The following RAB38 variants were observed in gnomAD, a reference collection of about 807,000 sequenced individuals.
The protein encoded by RAB38 is RAB38, member RAS oncogene family.
In RAB38, 15 loss-of-function variants were observed where a neutral mutation model predicts 18.4. The observed-to-expected ratio is 0.82, with a 90% CI of 0.55 to 1.26. The LOEUF (loss-of-function observed/expected upper bound fraction) is 1.26. Among genes scored for constraint, RAB38 ranks in the 50% most tolerant of loss-of-function variants. The probability of loss-of-function intolerance (pLI) is 0.00; values close to 1 mark genes in which losing one functional copy is unlikely to be tolerated. For synonymous variants in RAB38, 101 were observed against 104.4 expected (o/e 0.97, Z 0.20); for missense variants, 294 against 267.4 (o/e 1.10, Z -0.69).
the RAB38 span, chr11:87,815,690 T>C: frequency 1.3e-5 from 2 of 152,146 alleles, no homozygotes; most frequent in African/African-American, 4.8e-5. Context: ...TCAGTTCCAA[T>C]ATATGGGATG....
At chr11:88,008,735 G>A in the RAB38 span, among the ~76,000 whole-genome samples, 1 of 152,158 alleles carries the variant, frequency 6.6e-6, no homozygotes, top group African/African-American at 2.4e-5. Context: ...GTGCAGTGGC[G>A]CCATCTCGGC....
the RAB38 span, among the ~76,000 whole-genome samples, chr11:87,907,855 A>G: frequency 2.6e-5 from 4 of 151,854 alleles, no homozygotes; most frequent in Non-Finnish European, 4.4e-5. Context: ...AGCCTTTACA[A>G]ATTTTACAGA....
the RAB38 span, among the ~76,000 whole-genome samples, chr11:87,913,277 C>A: frequency 1.3e-5 from 2 of 151,874 alleles, no homozygotes; most frequent in East Asian, 3.9e-4. Context: ...TCTACTTTTT[C>A]TATCAGTTAT....
chr11:87,928,546 G>GT, the RAB38 span, among the ~76,000 whole-genome samples: 4 of 151,430 alleles, frequency 2.6e-5, no homozygotes, highest in African/African-American at 4.9e-5. Flanking sequence ...AACTGCCGAG[G>GT]TTTTTTTTAA....
chr11:87,967,937 C>G, the RAB38 span, among the ~76,000 whole-genome samples: 12 of 152,196 alleles, frequency 7.9e-5, no homozygotes, highest in South Asian at 2.5e-3. Context: ...ACTAACAGTC[C>G]AGCCATGCCT....
chr11:88,127,469 A>G (rs1942712812), intron 2 of RAB38, among the ~76,000 whole-genome samples: 1 of 152,202 alleles, frequency 6.6e-6, no homozygotes, highest in Non-Finnish European at 1.5e-5. Flanking sequence ...CAGTTTGACA[A>G]CTACTGATCT....
chr11:88,113,991 G>C lies in RAB38; in HGVS notation c.633C>G (p.Ser211=). The C allele has an allele frequency of 1.2e-6, 2 of 1,614,132 alleles. No homozygotes were observed. The highest frequency in any genetic ancestry group is 1.7e-6 in the Non-Finnish European group (2 of 1,179,994). The change falls in exon 3 of 3, where the codon TCC becomes TCG. Residue 211 remains serine, a synonymous_variant. Coordinates refer to ENST00000243662, the MANE Select transcript of RAB38 (RefSeq NM_022337.3). ...KVASCSGCAK[S] is the part of the protein sequence containing the mutation. ...CAGACACCAGCAAAGGTGCCTACTA[G>C]GATTTGGCACAGCCAGAGCAGCTGG...
intron 1 of RAB38, among the ~76,000 whole-genome samples, chr11:88,161,064 C>T (rs573540999): frequency 8.5e-4 from 130 of 152,234 alleles, no homozygotes; most frequent in African/African-American, 3.0e-3. Flanking sequence ...CCATTACTCT[C>T]TGCTGTTTTA....
chr11:87,830,219 G>A, the RAB38 span, among the ~76,000 whole-genome samples: 1 of 152,138 alleles, frequency 6.6e-6, no homozygotes. Flanking sequence ...AGTGACTCAT[G>A]CCTATAATCC....
the RAB38 span, among the ~76,000 whole-genome samples, chr11:88,051,965 T>A: frequency 6.6e-6 from 1 of 151,814 alleles, no homozygotes; most frequent in Non-Finnish European, 1.5e-5. Flanking sequence ...CTCTACTAAA[T>A]ACAAAAAATT....
At chr11:87,897,472 G>A in the RAB38 span, among the ~76,000 whole-genome samples, 1 of 151,550 alleles carries the variant, frequency 6.6e-6, no homozygotes, top group Non-Finnish European at 1.5e-5. Context: ...TAAAGGTCTT[G>A]AAGTTAATAT....
chr11:88,029,693 AT>A, the RAB38 span, among the ~76,000 whole-genome samples: 1 of 152,126 alleles, frequency 6.6e-6, no homozygotes, highest in East Asian at 1.9e-4. Flanking sequence ...TCCTAAATAT[AT>A]ATGCACCCAA....
At chr11:87,872,261 T>C in the RAB38 span, among the ~76,000 whole-genome samples, 1 of 151,562 alleles carries the variant, frequency 6.6e-6, no homozygotes, top group East Asian at 2.0e-4. Flanking sequence ...TTCAGCTTTT[T>C]GTCCATTTTT....
intron 1 of RAB38, among the ~76,000 whole-genome samples, chr11:88,173,032 T>C (rs1323600441): frequency 1.3e-5 from 2 of 152,248 alleles, no homozygotes; most frequent in Non-Finnish European, 2.9e-5. Context: ...CTTCTGTGAC[T>C]ACAGCCTCCA....
At chr11:88,052,424 G>A in the RAB38 span, among the ~76,000 whole-genome samples, 2 of 151,946 alleles carry the variant, frequency 1.3e-5, no homozygotes, top group African/African-American at 2.4e-5. Context: ...TTTGGTATAC[G>A]GCCCTATGAA....
At chr11:88,143,105 G>C (rs1942936817) in intron 2 of RAB38, among the ~76,000 whole-genome samples, 1 of 152,190 alleles carries the variant, frequency 6.6e-6, no homozygotes, top group Non-Finnish European at 1.5e-5. Flanking sequence ...AAGCTGTTCT[G>C]TCAGCACATC....
intron 2 of RAB38, chr11:88,115,462 A>G (rs563137098): frequency 4.6e-5 from 7 of 152,336 alleles, no homozygotes; most frequent in African/African-American, 1.7e-4. Flanking sequence ...TTAGTTGTAA[A>G]TGTTTATTAG....
At chr11:87,835,583 G>A in the RAB38 span, among the ~76,000 whole-genome samples, 3 of 152,118 alleles carry the variant, frequency 2.0e-5, no homozygotes, top group Non-Finnish European at 2.9e-5. Context: ...AGTTAAAGTT[G>A]TTAGGGTTGG....
At chr11:88,082,327 A>G in the RAB38 span, among the ~76,000 whole-genome samples, 3 of 151,870 alleles carry the variant, frequency 2.0e-5, no homozygotes, top group East Asian at 5.8e-4. Context: ...GAAAGAAAAA[A>G]AAATATTTGT....
Sources: gnomAD v4.1 joint callset for allele counts (sites outside exome capture counted in the v4.1 genomes callset) on GRCh38, gnomAD v4.1.1 for gene constraint, MANE v1.5 for transcripts, NCBI Gene and HGNC (gene_info 2026-07-23, HGNC 2026-07-21) for gene names.